The following LOXHD1 variants were observed in gnomAD, a reference collection of about 807,000 sequenced individuals.
LOXHD1 encodes the protein lipoxygenase homology PLAT domains 1.
LOXHD1 carries 205 observed loss-of-function variants against 248.2 expected under a neutral mutation model. The observed-to-expected ratio is 0.83, with a 90% CI of 0.74 to 0.93. The LOEUF is 0.93. Ranked by LOEUF, LOXHD1 falls within the 40% of genes least tolerant of loss-of-function variation. The pLI is 0.00. For synonymous variants in LOXHD1, 1,113 were observed against 1,162.8 expected (o/e 0.96, Z 0.87); for missense variants, 2,930 against 2,971.6 (o/e 0.99, Z 0.33).
intron 26 of LOXHD1, among the ~76,000 whole-genome samples, chr18:46,535,147 G>C (rs2036253000): frequency 6.6e-6 from 1 of 152,112 alleles, no homozygotes. Context: ...ATAGTTGTAA[G>C]TTTTCATTTA....
chr18:46,608,561 G>C (rs746686678), intron 6 of LOXHD1, among the ~76,000 whole-genome samples: 2 of 152,216 alleles, frequency 1.3e-5, no homozygotes, highest in African/African-American at 4.8e-5. Context: ...TGCCCTGGCT[G>C]AGGTCATAAA....
intron 31 of LOXHD1, among the ~76,000 whole-genome samples, chr18:46,522,976 C>T (rs2035653387): frequency 6.7e-6 from 1 of 150,234 alleles, no homozygotes; most frequent in African/African-American, 2.5e-5. Context: ...AGATGGAGTT[C>T]CACTCTTGTT....
intron 23 of LOXHD1, 140 bp downstream of exon 23, chr18:46,545,177 C>T (rs1032428744): frequency 1.1e-5 from 7 of 648,932 alleles, no homozygotes; most frequent in Admixed American, 2.9e-5. Flanking sequence ...AAGGAACTGC[C>T]TTTCTCGATG....
chr18:46,544,779 C>A (rs2036722108), intron 23 of LOXHD1: 1 of 470,690 alleles, frequency 2.1e-6, no homozygotes, highest in Non-Finnish European at 4.4e-6. Context: ...TAGATATGAG[C>A]ACCCCATGGT....
At chr18:46,570,083 C>A (rs927691356) in intron 15 of LOXHD1, among the ~76,000 whole-genome samples, 2 of 152,178 alleles carry the variant, frequency 1.3e-5, no homozygotes, top group African/African-American at 2.4e-5. Context: ...GATTCTGACC[C>A]CAGTTTCACA....
intron 4 of LOXHD1, among the ~76,000 whole-genome samples, chr18:46,625,052 A>G (rs1028213838): frequency 6.6e-6 from 1 of 152,182 alleles, no homozygotes; most frequent in African/African-American, 2.4e-5. Context: ...CAATGGAAGC[A>G]GGAGCTTAAG....
Position 46,560,533 on chromosome 18 carries a change from C to A in LOXHD1, c.2611G>T (p.Asp871Tyr). 2 of 1,530,816 alleles carry A rather than the reference C, an allele frequency of 1.3e-6. No individual in the cohort carries two copies. Among genetic ancestry groups the A allele is most frequent in the Non-Finnish European group, 1.7e-6 (2 of 1,142,932 alleles). The allele number at this position is 1,530,816 out of a possible 1,614,324, so 94.8% of individuals were successfully genotyped here. A position where few individuals can be genotyped will look rare whatever the true frequency, so the allele number is the denominator to read the frequency against. Reference sequence around the variant, plus strand: ...CGGAGCTTATAGACCTCGCCCACGTCGGCCGCCTCAAGCTGTTCAAAGGGC... The same window carrying A: ...CGGAGCTTATAGACCTCGCCCACGTAGGCCGCCTCAAGCTGTTCAAAGGGC... ...SKDTFQLEAA[D>Y]VGEVYKLRLG... The change falls in exon 19 of 41, where the codon GAC becomes TAC. Residue 871 changes from aspartate (D) to tyrosine (Y), a missense_variant. By Grantham distance (160) the Asp-to-Tyr change is radical (BLOSUM62 -3). Transcript: ENST00000642948.
intron 2 of LOXHD1, among the ~76,000 whole-genome samples, chr18:46,642,896 G>T (rs2038981083): frequency 6.6e-6 from 1 of 152,034 alleles, no homozygotes; most frequent in Non-Finnish European, 1.5e-5. Context: ...AGAGCTGCAG[G>T]CCTCACTCAG....
At chr18:46,547,559 C>G (rs1280592350) in intron 21 of LOXHD1, among the ~76,000 whole-genome samples, 2 of 152,092 alleles carry the variant, frequency 1.3e-5, no homozygotes, top group Non-Finnish European at 2.9e-5. Context: ...CTGCTGGGGC[C>G]ATCTAGGAAA....
chr18:46,590,508 G>A (rs328149), intron 12 of LOXHD1, among the ~76,000 whole-genome samples: 120,897 of 152,156 alleles, frequency 0.79, 48,561 homozygotes, highest in Non-Finnish European at 0.86. Flanking sequence ...CAATTCTGGC[G>A]CACAAAGTGG....
rs1388032178 is a variant in LOXHD1, at chr18:46,639,646, C to T, written c.481G>A (p.Ala161Thr). 2 of 1,551,708 alleles carry T rather than the reference C, an allele frequency of 1.3e-6. No individual in the cohort carries two copies. Among genetic ancestry groups the T allele is most frequent in the East Asian group, 2.4e-5 (1 of 40,922 alleles). The change falls in exon 4 of 41, where the codon GCC (alanine) becomes ACC (threonine). Residue 161 changes from alanine (A) to threonine (T), a missense_variant. By Grantham distance (58) the Ala-to-Thr change is moderately conservative. Coordinates refer to ENST00000642948, the MANE Select transcript of LOXHD1 (RefSeq NM_001384474.1). ...GDRQWCRDLLASFNPMDMPRG... is the reference protein window; with the variant it reads ...GDRQWCRDLLTSFNPMDMPRG... The stretch of plus-strand genomic sequence containing the variant: ...GGCATGTCCATGGGGTTGAAGCTGG[C>T]CAGCAGGTCACGGCACCACTGGCGG...
chr18:46,509,558 C>G (rs1457786442), intron 35 of LOXHD1, 140 bp downstream of exon 35: 3 of 728,220 alleles, frequency 4.1e-6, no homozygotes, highest in Non-Finnish European at 7.6e-6. Flanking sequence ...AAAGGGCATA[C>G]TGGATCATAT....
intron 23 of LOXHD1, among the ~76,000 whole-genome samples, chr18:46,544,126 G>A (rs932486249): frequency 6.6e-6 from 1 of 152,196 alleles, no homozygotes; most frequent in African/African-American, 2.4e-5. Context: ...ACCTCATGTA[G>A]AAAGTCTTCT....
chr18:46,539,786 T>TA (rs751768201), intron 25 of LOXHD1, among the ~76,000 whole-genome samples: 6 of 151,318 alleles, frequency 4.0e-5, no homozygotes, highest in Non-Finnish European at 8.8e-5. Flanking sequence ...TCACAGTAAC[T>TA]AAAAAAAAAT....
intron 29 of LOXHD1, 66 bp from the exon 30 acceptor site, chr18:46,524,983 C>G: frequency 6.6e-7 from 1 of 1,519,432 alleles, no homozygotes; most frequent in Non-Finnish European, 8.9e-7. Flanking sequence ...TCCAGCCCCA[C>G]CCTTCTGGGA....
chr18:46,640,440 T>C (rs1172843276), intron 3 of LOXHD1, among the ~76,000 whole-genome samples: 1 of 152,160 alleles, frequency 6.6e-6, no homozygotes, highest in Non-Finnish European at 1.5e-5. Context: ...CCTATGGCCA[T>C]CTAGACCAGG....
At chr18:46,509,874 T>TGGGTTGGGGG in intron 34 of LOXHD1, 59 bp from the exon 35 acceptor site, 1 of 438,344 alleles carries the variant, frequency 2.3e-6, no homozygotes, top group East Asian at 6.3e-5. Flanking sequence ...AGGGTTGGGG[T>TGGGTTGGGGG]GGGCCAGGCC....
intron 37 of LOXHD1, among the ~76,000 whole-genome samples, chr18:46,498,994 C>T (rs1351900400): frequency 6.6e-6 from 1 of 152,068 alleles, no homozygotes; most frequent in South Asian, 2.1e-4. Flanking sequence ...AATTCTGGAC[C>T]CGTCTATTTA....
chr18:46,572,265 C>T (rs930950187), intron 14 of LOXHD1, 103 bp from the exon 15 acceptor site: 4 of 1,036,984 alleles, frequency 3.9e-6, no homozygotes, highest in African/African-American at 1.6e-5. Flanking sequence ...AGAGCTTTGA[C>T]TTTAGCAAAG....
Sources: gnomAD v4.1 joint callset for allele counts (sites outside exome capture counted in the v4.1 genomes callset) on GRCh38, gnomAD v4.1.1 for gene constraint, MANE v1.5 for transcripts, NCBI Gene and HGNC (gene_info 2026-07-23, HGNC 2026-07-21) for gene names.